Variants in EPHA6 observed in about 807,000 individuals in gnomAD.
EPHA6 encodes the protein EPH receptor A6, also known as ephrin type-A receptor 6.
In EPHA6, 50 loss-of-function variants were observed where a neutral mutation model predicts 112.0. The ratio of observed to expected loss-of-function variants is 0.45; its 90% CI spans 0.36 to 0.56. The LOEUF is 0.56. EPHA6 is among the 20% of genes least tolerant of loss of function. EPHA6 has a pLI of 0.00. For synonymous variants in EPHA6, 529 were observed against 490.7 expected (o/e 1.08, Z -1.03); for missense variants, 1,280 against 1,417.4 (o/e 0.90, Z 1.56).
At chr3:97,380,902 A>G (rs1422163705) in intron 5 of EPHA6, among the ~76,000 whole-genome samples, 1 of 152,146 alleles carries the variant, frequency 6.6e-6, no homozygotes, top group Non-Finnish European at 1.5e-5. Flanking sequence ...TCTATAATGT[A>G]TTAGTTTTAT....
chr3:97,000,282 C>T (rs1367941789), intron 3 of EPHA6, among the ~76,000 whole-genome samples: 20 of 110,120 alleles, frequency 1.8e-4, no homozygotes, highest in African/African-American at 8.2e-4. Flanking sequence ...CACACACACA[C>T]ACACACACAC....
chr3:96,872,607 C>T (rs1292994716), intron 2 of EPHA6, among the ~76,000 whole-genome samples: 1 of 151,978 alleles, frequency 6.6e-6, no homozygotes, highest in Non-Finnish European at 1.5e-5. Context: ...TACAGAATTC[C>T]AGGTTGGTGG....
At position 97,682,571 on chromosome 3, in the gene EPHA6, C is replaced by T. The variant is rs927293004; in HGVS notation, c.2785-37690C>T. ...CAATTTCCTCCATAGACTATGATCC[C>T]TCATTGCTCATCTTGAAAATCCTTT... On this transcript the variant is annotated intron_variant, in intron 14 of 17. Transcript: ENST00000389672. Among the ~76,000 whole-genome samples, 13 of 152,224 alleles carry T rather than the reference C, an allele frequency of 8.5e-5. No homozygotes were observed. The South Asian group carries it at 1.5e-3, about 17-fold the overall frequency.
chr3:97,334,967 C>T (rs1455090795), intron 5 of EPHA6, among the ~76,000 whole-genome samples: 11 of 151,868 alleles, frequency 7.2e-5, no homozygotes, highest in Admixed American at 7.2e-4. Flanking sequence ...CTGTTATAAA[C>T]TCTGTCTTTG....
At chr3:97,227,548 C>T (rs868795446) in intron 4 of EPHA6, among the ~76,000 whole-genome samples, 3 of 152,256 alleles carry the variant, frequency 2.0e-5, no homozygotes, top group Middle Eastern at 3.4e-3. Context: ...AGAGTTACAG[C>T]TTGCAAGGTG....
At chr3:97,734,220 A>G (rs2035158186) in intron 15 of EPHA6, among the ~76,000 whole-genome samples, 1 of 152,212 alleles carries the variant, frequency 6.6e-6, no homozygotes, top group South Asian at 2.1e-4. Flanking sequence ...CCATGCATTT[A>G]TAATTAGATA....
At chr3:97,504,688 G>A (rs761798733) in intron 10 of EPHA6, among the ~76,000 whole-genome samples, 3 of 152,034 alleles carry the variant, frequency 2.0e-5, no homozygotes, top group Non-Finnish European at 4.4e-5. Flanking sequence ...CTGCCTGCCC[G>A]ATGGTATATT....
intron 10 of EPHA6, among the ~76,000 whole-genome samples, chr3:97,512,076 A>G (rs192637084): frequency 2.0e-5 from 3 of 152,334 alleles, no homozygotes; most frequent in East Asian, 1.9e-4. Context: ...TCTTGTGACA[A>G]ACAAACTGAG....
chr3:97,442,716 A>G (rs1169693310), intron 6 of EPHA6, among the ~76,000 whole-genome samples: 1 of 152,194 alleles, frequency 6.6e-6, no homozygotes, highest in South Asian at 2.1e-4. Flanking sequence ...AGATTGCAAC[A>G]TTAAAGTAGA....
intron 10 of EPHA6, among the ~76,000 whole-genome samples, chr3:97,491,383 C>T (rs1307568076): frequency 6.6e-6 from 1 of 152,156 alleles, no homozygotes; most frequent in East Asian, 1.9e-4. Context: ...CTCTGATACT[C>T]AAGCAGTTTA....
chr3:97,314,454 A>G (rs542993608), intron 5 of EPHA6, among the ~76,000 whole-genome samples: 210 of 151,730 alleles, frequency 1.4e-3, no homozygotes, highest in African/African-American at 4.8e-3. Flanking sequence ...GAATAATCAA[A>G]CTCACTAGAA....
intron 3 of EPHA6, among the ~76,000 whole-genome samples, chr3:97,113,826 A>G (rs1425623360): frequency 1.3e-5 from 2 of 152,046 alleles, no homozygotes; most frequent in African/African-American, 2.4e-5. Context: ...TGTCCCACAG[A>G]CTTTTTTCTT....
intron 10 of EPHA6, among the ~76,000 whole-genome samples, chr3:97,491,618 C>T (rs2091840604): frequency 7.2e-6 from 1 of 139,696 alleles, no homozygotes; most frequent in Admixed American, 7.1e-5. Context: ...TAAGGGTATG[C>T]TTTTTTTTTT....
At chr3:97,158,460 C>T (rs556961268) in intron 3 of EPHA6, among the ~76,000 whole-genome samples, 13 of 152,142 alleles carry the variant, frequency 8.5e-5, no homozygotes, top group African/African-American at 1.7e-4. Context: ...AAGTGTCAGT[C>T]GAGAAAAATG....
intron 2 of EPHA6, among the ~76,000 whole-genome samples, chr3:96,917,738 C>T (rs1263146643): frequency 6.6e-6 from 1 of 151,884 alleles, no homozygotes; most frequent in Admixed American, 6.6e-5. Context: ...TACACTCACA[C>T]CCTGAAAGGG....
intron 5 of EPHA6, among the ~76,000 whole-genome samples, chr3:97,251,628 G>A (rs1197122140): frequency 6.6e-6 from 1 of 152,170 alleles, no homozygotes; most frequent in East Asian, 1.9e-4. Flanking sequence ...TATTTCAATT[G>A]CAAAGATTGA....
rs973009466 is a variant in EPHA6, at chr3:97,754,999, G to A, written c.*6298G>A. On this transcript the variant is annotated 3_prime_UTR_variant, in exon 18 of 18. Coordinates refer to ENST00000389672, the MANE Select transcript of EPHA6 (RefSeq NM_001080448.3). ...ATTACAGGCGTGAGCCACCGCGCCC[G>A]GCCACAAAGTTTTCTTTTAAACAAA... is the stretch of plus-strand genomic sequence containing the variant. 3.9e-5 allele frequency among the ~76,000 whole-genome samples: 6 copies of A among 152,146 alleles called. No homozygotes were observed. Among genetic ancestry groups the A allele is most frequent in the African/African-American group, 1.2e-4 (5 of 41,434 alleles).
chr3:97,581,370 T>C (rs1040792925), intron 11 of EPHA6, among the ~76,000 whole-genome samples: 2 of 152,214 alleles, frequency 1.3e-5, no homozygotes, highest in Non-Finnish European at 2.9e-5. Flanking sequence ...AAGCAAAACA[T>C]GGGTACATGT....
At chr3:96,877,801 T>G (rs1177960045) in intron 2 of EPHA6, among the ~76,000 whole-genome samples, 3 of 151,914 alleles carry the variant, frequency 2.0e-5, no homozygotes, top group Non-Finnish European at 4.4e-5. Context: ...TAACTTAGTC[T>G]TCTTCTTCCC....
Sources: allele counts gnomAD v4.1 joint callset (sites outside exome capture counted in the v4.1 genomes callset), GRCh38; gene constraint gnomAD v4.1.1; transcripts MANE v1.5; gene names NCBI Gene and HGNC (gene_info 2026-07-23, HGNC 2026-07-21).